The following RBMS3 variants were observed in gnomAD, a reference collection of about 807,000 sequenced individuals.
RBMS3 encodes RNA-binding motif, single-stranded-interacting protein 3.
Under a neutral mutation model 66.8 loss-of-function variants are expected in RBMS3, and 27 were observed. The observed-to-expected ratio is 0.40, with a 90% CI of 0.30 to 0.56. RBMS3 has a LOEUF of 0.56. Ranked by LOEUF, RBMS3 falls within the 20% of genes least tolerant of loss-of-function variation. The pLI, the probability that RBMS3 is intolerant of heterozygous loss-of-function variation, is 0.40. For synonymous variants in RBMS3, 188 were observed against 183.0 expected, an observed-to-expected ratio of 1.03 and a Z score of -0.22; for missense variants, 513 against 549.5, an observed-to-expected ratio of 0.93 and a Z score of 0.66.
In RBMS3 at chr3:29,590,498, G is replaced by A. The variant is rs138912398; in HGVS notation, c.399+3293G>A. 3.0e-3 allele frequency among the ~76,000 whole-genome samples: 450 copies of A among 152,106 alleles called. 5 individuals are homozygous for A. The highest frequency in any genetic ancestry group is 0.01 in the African/African-American group (435 of 41,518). ...TTAAAATATATAATAAGTAGCATCA[G>A]TCAGCAAACATTTTTTATTGCCTAC... is the stretch of plus-strand genomic sequence containing the variant. On this transcript the variant is annotated intron_variant, in intron 4 of 14. Coordinates refer to ENST00000383767, the MANE Select transcript of RBMS3 (RefSeq NM_001003793.3).
At chr3:29,723,844 G>A (rs777511398) in intron 4 of RBMS3, among the ~76,000 whole-genome samples, 3 of 152,078 alleles carry the variant, frequency 2.0e-5, no homozygotes, top group Non-Finnish European at 4.4e-5. Context: ...TGTACTGCAG[G>A]TTCCCAATTG....
intron 6 of RBMS3, among the ~76,000 whole-genome samples, chr3:29,785,322 T>A (rs907744208): frequency 8.5e-5 from 13 of 152,092 alleles, no homozygotes; most frequent in Admixed American, 7.9e-4. Context: ...TCCACCATTA[T>A]CAAGTGGGTT....
chr3:29,977,562 G>A (rs778069862), intron 12 of RBMS3, among the ~76,000 whole-genome samples: 1 of 152,010 alleles, frequency 6.6e-6, no homozygotes, highest in Non-Finnish European at 1.5e-5. Flanking sequence ...TGGTGATGCA[G>A]TGTCTAGACT....
At chr3:29,650,988 T>C (rs919594724) in intron 4 of RBMS3, among the ~76,000 whole-genome samples, 10 of 152,220 alleles carry the variant, frequency 6.6e-5, no homozygotes, top group Non-Finnish European at 1.0e-4. Context: ...TCTATACCCC[T>C]GGATAAATCT....
At chr3:29,996,001 G>A (rs961644006) in intron 14 of RBMS3, among the ~76,000 whole-genome samples, 1 of 152,128 alleles carries the variant, frequency 6.6e-6, no homozygotes, top group Non-Finnish European at 1.5e-5. Context: ...AGACCCATCA[G>A]TGTGCTGTAT....
intron 1 of RBMS3, among the ~76,000 whole-genome samples, chr3:29,294,354 G>A (rs115182009): frequency 0.014 from 2,117 of 151,756 alleles, 22 homozygotes; most frequent in South Asian, 0.022. Context: ...CTAGTACCCT[G>A]AGGCTGTTGG....
intron 6 of RBMS3, among the ~76,000 whole-genome samples, chr3:29,820,669 TTTCCTGTTAC>T (rs1456819810): frequency 6.6e-6 from 1 of 152,182 alleles, no homozygotes; most frequent in Non-Finnish European, 1.5e-5. Context: ...TCAAAGTCCT[TTTCCTGTTAC>T]TCAGGTAAAC....
intron 1 of RBMS3, among the ~76,000 whole-genome samples, chr3:29,401,245 T>C (rs1481603496): frequency 6.6e-6 from 1 of 152,096 alleles, no homozygotes; most frequent in Non-Finnish European, 1.5e-5. Context: ...ATTGTCAAAA[T>C]AGCTCACATT....
At chr3:29,716,104 T>A (rs1220679153) in intron 4 of RBMS3, among the ~76,000 whole-genome samples, 1 of 152,126 alleles carries the variant, frequency 6.6e-6, no homozygotes, top group Non-Finnish European at 1.5e-5. Flanking sequence ...AGTAGGTGTG[T>A]GAGGAAAACG....
chr3:29,333,494 C>G (rs1456039088), intron 1 of RBMS3, among the ~76,000 whole-genome samples: 1 of 152,050 alleles, frequency 6.6e-6, no homozygotes, highest in East Asian at 1.9e-4. Context: ...ACTCTAAGAC[C>G]AGACTGAGGG....
At chr3:30,001,446 C>A (rs139278318) in intron 14 of RBMS3, among the ~76,000 whole-genome samples, 3 of 151,944 alleles carry the variant, frequency 2.0e-5, no homozygotes, top group African/African-American at 7.3e-5. Flanking sequence ...TTCAAAATGA[C>A]TCTGTATTCT....
At position 30,007,389 on chromosome 3, in the gene RBMS3, T is replaced by C. The variant is rs948062059; in HGVS notation, c.*3527T>C. The C allele has an allele frequency of 2.6e-5, 4 of 152,098 alleles. No homozygotes were observed. The highest frequency in any genetic ancestry group is 7.2e-5 in the African/African-American group (3 of 41,438). 9.4% of individuals were successfully genotyped at this position (152,098 alleles called of 1,614,324 possible). On this transcript the variant is annotated 3_prime_UTR_variant, in exon 15 of 15. Coordinates refer to ENST00000383767, the MANE Select transcript of RBMS3 (RefSeq NM_001003793.3). ...GTCCACCAGATTTTCAAGCATTTAT[T>C]TGGATGTTTCCATTTTTCCTTTTGA...
intron 1 of RBMS3, among the ~76,000 whole-genome samples, chr3:29,427,145 T>C (rs2040991061): frequency 6.6e-6 from 1 of 152,222 alleles, no homozygotes; most frequent in South Asian, 2.1e-4. Flanking sequence ...TATTTCCATA[T>C]CTAGCTTTGG....
At chr3:29,330,110 A>G (rs367724517) in intron 1 of RBMS3, among the ~76,000 whole-genome samples, 1 of 152,132 alleles carries the variant, frequency 6.6e-6, no homozygotes, top group African/African-American at 2.4e-5. Context: ...CTATGTCTGT[A>G]CCACATAGAC....
chr3:29,849,170 ATGTGTGTGTGTGTGTGTG>A, intron 6 of RBMS3, among the ~76,000 whole-genome samples: 1 of 141,764 alleles, frequency 7.1e-6, no homozygotes, highest in African/African-American at 2.7e-5. Context: ...CACCAAAGGA[ATGTGTGTGTGTGTGTGTG>A]TGTGTGTGTG....
At chr3:29,495,689 A>T (rs990621537) in intron 3 of RBMS3, among the ~76,000 whole-genome samples, 14 of 151,952 alleles carry the variant, frequency 9.2e-5, no homozygotes, top group African/African-American at 2.4e-5. Context: ...AAATGCTGGG[A>T]TTACAGGTGT....
chr3:29,295,444 T>C (rs528185885), intron 1 of RBMS3, among the ~76,000 whole-genome samples: 2 of 150,394 alleles, frequency 1.3e-5, no homozygotes, highest in South Asian at 4.2e-4. Context: ...ATATTTTGCA[T>C]ATCTAGGGAA....
At chr3:29,365,034 C>G (rs1021536036) in intron 1 of RBMS3, among the ~76,000 whole-genome samples, 15 of 151,990 alleles carry the variant, frequency 9.9e-5, no homozygotes, top group African/African-American at 3.6e-4. Context: ...TCTCAAGGGT[C>G]AAAATGGAAT....
intron 1 of RBMS3, among the ~76,000 whole-genome samples, chr3:29,434,499 G>T (rs1291065041): frequency 6.6e-6 from 1 of 152,158 alleles, no homozygotes; most frequent in African/African-American, 2.4e-5. Context: ...ATATGCTACT[G>T]CCAGGAGCAC....
Sources: gnomAD v4.1 joint callset for allele counts (sites outside exome capture counted in the v4.1 genomes callset) on GRCh38, gnomAD v4.1.1 for gene constraint, MANE v1.5 for transcripts, NCBI Gene and HGNC (gene_info 2026-07-23, HGNC 2026-07-21) for gene names.